Variants in RANBP2 observed in about 807,000 individuals in gnomAD.
The protein encoded by RANBP2 is E3 SUMO-protein ligase RanBP2.
RANBP2 carries 57 observed loss-of-function variants against 303.6 expected under a neutral mutation model. The ratio of observed to expected loss-of-function variants is 0.19; its 90% confidence interval spans 0.15 to 0.23. RANBP2 has a LOEUF of 0.23. Ranked by LOEUF, RANBP2 falls within the 10% of genes least tolerant of loss-of-function variation. The pLI, the probability that RANBP2 is intolerant of heterozygous loss-of-function variation, is 1.00. For synonymous variants in RANBP2, 1,167 were observed against 1,301.5 expected (o/e 0.90, Z 2.23); for missense variants, 3,138 against 3,780.8 (o/e 0.83, Z 4.46).
the RANBP2 span, chr2:108,910,948 T>C: frequency 1.9e-6 from 3 of 1,614,074 alleles, no homozygotes; most frequent in South Asian, 1.1e-5. Context: ...GGCCGTCACC[T>C]GGGGCAGAGG....
the RANBP2 span, chr2:109,449,084 C>A: frequency 6.8e-7 from 1 of 1,463,504 alleles, no homozygotes; most frequent in South Asian, 1.3e-5. Flanking sequence ...GAGAAGGGAG[C>A]CTGAGTGTGC....
the RANBP2 span, among the ~76,000 whole-genome samples, chr2:109,766,371 G>A: frequency 2.0e-5 from 3 of 150,638 alleles, no homozygotes; most frequent in Non-Finnish European, 4.4e-5. Context: ...AAAGCTGGGT[G>A]GAGAGACTGG....
the RANBP2 span, chr2:108,804,955 C>T: frequency 6.3e-7 from 1 of 1,576,110 alleles, no homozygotes; most frequent in Non-Finnish European, 8.6e-7. Context: ...AACCAAGAGA[C>T]TGAGGTCCTC....
chr2:109,650,967 C>T, the RANBP2 span, among the ~76,000 whole-genome samples: 11 of 152,134 alleles, frequency 7.2e-5, 1 homozygote, highest in Non-Finnish European at 1.5e-5. Flanking sequence ...GGACAGTCCC[C>T]AGTGGTGCAG....
At chr2:109,677,283 C>A in the RANBP2 span, among the ~76,000 whole-genome samples, 1 of 152,182 alleles carries the variant, frequency 6.6e-6, no homozygotes, top group Non-Finnish European at 1.5e-5. Flanking sequence ...TCAGATCCCA[C>A]CACCCAGCTT....
chr2:108,849,563 C>G, the RANBP2 span, among the ~76,000 whole-genome samples: 1 of 152,156 alleles, frequency 6.6e-6, no homozygotes, highest in Non-Finnish European at 1.5e-5. Context: ...CCTTCACTCT[C>G]TAGTCTCCCT....
chr2:109,300,792 G>T, the RANBP2 span, among the ~76,000 whole-genome samples: 1 of 152,194 alleles, frequency 6.6e-6, no homozygotes, highest in Non-Finnish European at 1.5e-5. Context: ...TCTCAGAAGT[G>T]AGTGTCATCA....
chr2:109,294,125 C>T, the RANBP2 span, among the ~76,000 whole-genome samples: 1 of 152,124 alleles, frequency 6.6e-6, no homozygotes, highest in African/African-American at 2.4e-5. Flanking sequence ...TCCTTGGGCC[C>T]CTCCATGTAA....
chr2:108,791,523 G>A, the RANBP2 span: 45 of 864,908 alleles, frequency 5.2e-5, no homozygotes, highest in African/African-American at 5.5e-4. Flanking sequence ...TAGTTTTTAC[G>A]TTTTTTCTTT....
chr2:108,991,139 CCT>C, the RANBP2 span, among the ~76,000 whole-genome samples: 1 of 152,030 alleles, frequency 6.6e-6, no homozygotes, highest in Non-Finnish European at 1.5e-5. Flanking sequence ...GGAGTTTTTT[CCT>C]CTCTTTGAAA....
the RANBP2 span, among the ~76,000 whole-genome samples, chr2:109,283,201 C>T: frequency 7.9e-5 from 12 of 152,140 alleles, no homozygotes; most frequent in East Asian, 1.9e-4. Context: ...TGCCTCTGTT[C>T]GCTCCCTCCA....
Position 108,749,429 on chromosome 2 carries a change from C to T in RANBP2, c.1273+300C>T, listed in dbSNP as rs533944546. Among the ~76,000 whole-genome samples the T allele has an allele frequency of 3.3e-5, 5 of 152,122 alleles. No individual in the cohort carries two copies. In the South Asian group the frequency reaches 6.2e-4, roughly 19 times the overall value. On this transcript the variant is annotated intron_variant, in intron 9 of 28. Coordinates refer to ENST00000283195, the MANE Select transcript of RANBP2 (RefSeq NM_006267.5). Reference sequence around the variant, plus strand: ...TCTGCTGCCTCAGTCTCCCAAGTAGCGGGATTACAAATGCCCGCCATCACG... The same window carrying T: ...TCTGCTGCCTCAGTCTCCCAAGTAGTGGGATTACAAATGCCCGCCATCACG...
the RANBP2 span, among the ~76,000 whole-genome samples, chr2:109,345,223 A>C: frequency 6.6e-6 from 1 of 152,074 alleles, no homozygotes; most frequent in Non-Finnish European, 1.5e-5. Context: ...CAGTTACACA[A>C]TGTGGGTGTG....
the RANBP2 span, among the ~76,000 whole-genome samples, chr2:109,362,688 G>A: frequency 1.3e-5 from 2 of 152,298 alleles, no homozygotes; most frequent in Middle Eastern, 3.4e-3. Flanking sequence ...GTCTCCAGCT[G>A]TAATACTGGA....
chr2:109,132,722 C>A, the RANBP2 span, among the ~76,000 whole-genome samples: 141 of 152,302 alleles, frequency 9.3e-4, 2 homozygotes, highest in African/African-American at 3.3e-3. Flanking sequence ...CTAACCCTTG[C>A]AGTTGCTAAT....
chr2:109,575,798 T>C, the RANBP2 span, among the ~76,000 whole-genome samples: 1 of 152,226 alleles, frequency 6.6e-6, no homozygotes, highest in Non-Finnish European at 1.5e-5. Context: ...CTGAGGTACT[T>C]AATAAATGTG....
At chr2:108,932,289 G>A in the RANBP2 span, among the ~76,000 whole-genome samples, 10 of 152,066 alleles carry the variant, frequency 6.6e-5, no homozygotes, top group African/African-American at 2.4e-4. Context: ...AGCACTTTGG[G>A]AGGCTGAGAC....
chr2:108,950,737 C>T, the RANBP2 span, among the ~76,000 whole-genome samples: 7 of 152,210 alleles, frequency 4.6e-5, no homozygotes, highest in Non-Finnish European at 1.0e-4. Context: ...GGGAATCAGA[C>T]CTTGGGCTGG....
the RANBP2 span, among the ~76,000 whole-genome samples, chr2:109,034,616 C>T: frequency 2.0e-5 from 3 of 152,246 alleles, no homozygotes; most frequent in African/African-American, 7.2e-5. Flanking sequence ...GCTCAGGCCA[C>T]TTCATGGAGC....
Sources: allele counts gnomAD v4.1 joint callset (sites outside exome capture counted in the v4.1 genomes callset), GRCh38; gene constraint gnomAD v4.1.1; transcripts MANE v1.5; gene names NCBI Gene and HGNC (gene_info 2026-07-23, HGNC 2026-07-21).